MASTL: variants seen among roughly 807,000 people sequenced by gnomAD.
MASTL encodes microtubule associated serine/threonine kinase like, also known as serine/threonine-protein kinase greatwall.
MASTL carries 54 observed loss-of-function variants against 82.5 expected under a neutral mutation model. The ratio of observed to expected loss-of-function variants is 0.65; its 90% CI spans 0.53 to 0.82. The LOEUF is 0.82. Ranked by LOEUF, MASTL falls within the 40% of genes least tolerant of loss-of-function variation. The pLI, the probability that MASTL is intolerant of heterozygous loss-of-function variation, is 0.00. For synonymous variants in MASTL, 323 were observed against 368.9 expected, an observed-to-expected ratio of 0.88 and a Z score of 1.43; for missense variants, 950 against 1,047.8, an observed-to-expected ratio of 0.91 and a Z score of 1.29.
At chr10:27,177,970 A>G (rs574914674) in intron 9 of MASTL, among the ~76,000 whole-genome samples, 1 of 152,348 alleles carries the variant, frequency 6.6e-6, no homozygotes, top group South Asian at 2.1e-4. Flanking sequence ...GCAGCAAGAC[A>G]TCCAGAGAGG....
intron 4 of MASTL, among the ~76,000 whole-genome samples, chr10:27,163,154 T>C (rs1191697881): frequency 6.6e-6 from 1 of 152,060 alleles, no homozygotes; most frequent in African/African-American, 2.4e-5. Context: ...TGACCTCAGG[T>C]GGTTCACCCG....
intron 7 of MASTL, among the ~76,000 whole-genome samples, chr10:27,169,261 G>A (rs185564686): frequency 1.3e-5 from 2 of 152,162 alleles, no homozygotes; most frequent in Admixed American, 1.3e-4. Flanking sequence ...GCATTTTGCA[G>A]TTCAAAACAG....
chr10:27,165,313 G>T (rs1478979292), intron 5 of MASTL, 76 bp from the exon 6 acceptor site: 2 of 1,467,108 alleles, frequency 1.4e-6, no homozygotes, highest in Non-Finnish European at 1.9e-6. Flanking sequence ...CTACTTAGGT[G>T]GTATAACAGT....
rs1474203891 is a variant in MASTL at position 27,187,152 on chromosome 10, T to G, written c.*616T>G. 6.6e-6 allele frequency among the ~76,000 whole-genome samples: 1 copy of G among 152,004 alleles called. No individual in the cohort carries two copies. The highest frequency in any genetic ancestry group is 1.5e-5 in the Non-Finnish European group (1 of 68,014). On this transcript the variant is annotated 3_prime_UTR_variant, in exon 12 of 12. Transcript: ENST00000375940. ...CCATCTCTACTGTAAATACACAAATTAGCCGGGCATGTTGGTGGGCGCCTG... is the reference window on the plus strand; with the variant it reads ...CCATCTCTACTGTAAATACACAAATGAGCCGGGCATGTTGGTGGGCGCCTG...
rs532995596 is a variant in MASTL, at chr10:27,165,305, A to G, written c.661-84A>G. The G allele has an allele frequency of 1.0e-5, 15 of 1,451,302 alleles. No homozygotes were observed. The African/African-American group carries it at 1.4e-4, about 14-fold the overall frequency. The allele number at this position is 1,451,302 out of a possible 1,614,324, so 89.9% of individuals were successfully genotyped here. ...TTGGATTTACTTTAACAGTTTGTCT[A>G]CTTAGGTGGTATAACAGTCTATGTA... On this transcript the variant is annotated intron_variant, in intron 5 of 11. Transcript: ENST00000375940.
intron 9 of MASTL, among the ~76,000 whole-genome samples, chr10:27,174,916 A>C (rs752840191): frequency 6.6e-6 from 1 of 152,020 alleles, no homozygotes; most frequent in Non-Finnish European, 1.5e-5. Flanking sequence ...CCATAACATC[A>C]ACCTCTTCTA....
chr10:27,167,712 A>G, intron 7 of MASTL, among the ~76,000 whole-genome samples: 1 of 152,258 alleles, frequency 6.6e-6, no homozygotes, highest in South Asian at 2.1e-4. Flanking sequence ...CTTCTGGATC[A>G]GAAATAACTT....
At chr10:27,165,908 C>CA (rs2057727424) in intron 6 of MASTL, among the ~76,000 whole-genome samples, 1 of 151,400 alleles carries the variant, frequency 6.6e-6, no homozygotes, top group African/African-American at 2.4e-5. Flanking sequence ...CTCAAAAAAA[C>CA]AAAAAATGCC....
chr10:27,167,824 C>T (rs1348472661), intron 7 of MASTL, among the ~76,000 whole-genome samples: 1 of 152,004 alleles, frequency 6.6e-6, no homozygotes, highest in Non-Finnish European at 1.5e-5. Context: ...ACTTAACTTA[C>T]ATATTGTTTT....
chr10:27,155,415 T>A lies in MASTL; in HGVS notation c.-12T>A. On this transcript the variant is annotated 5_prime_UTR_variant, in exon 1 of 12. It removes an upstream start codon present in the reference 5' UTR. Transcript: ENST00000375940. The stretch of plus-strand genomic sequence containing the variant: ...GGGCAGTGTCTGCGGGGCCGCTGTA[T>A]GCTGTCCAGCGATGGATCCCACCGC... The A allele has an allele frequency of 7.5e-6, 12 of 1,599,698 alleles. No individual in the cohort carries two copies. Among genetic ancestry groups the A allele is most frequent in the Non-Finnish European group, 1.0e-5 (12 of 1,174,588 alleles).
intron 7 of MASTL, 89 bp from the exon 8 acceptor site, chr10:27,169,855 G>C: frequency 7.8e-7 from 1 of 1,289,816 alleles, no homozygotes; most frequent in Non-Finnish European, 1.1e-6. Context: ...AGTTTATGGG[G>C]TCATTTATCC....
chr10:27,175,176 A>ATTATTTATTTAT (rs56359245), intron 9 of MASTL, among the ~76,000 whole-genome samples: 2 of 148,636 alleles, frequency 1.3e-5, no homozygotes, highest in Non-Finnish European at 3.0e-5. Flanking sequence ...TCTTTTATTT[A>ATTATTTATTTAT]TTATTTATTT....
chr10:27,159,222 C>T lies in MASTL; in HGVS notation c.325-397C>T, dbSNP rs2057491660. 6.6e-6 allele frequency among the ~76,000 whole-genome samples: 1 copy of T among 152,114 alleles called. No individual in the cohort carries two copies. Among genetic ancestry groups the T allele is most frequent in the Non-Finnish European group, 1.5e-5 (1 of 68,024 alleles). ...CAAGCAATTCTTGTGCCTCAACCTC[C>T]CAAGTAGCTGAGATTACAGGCCCAG... On this transcript the variant is annotated intron_variant, in intron 2 of 11. Coordinates refer to ENST00000375940, the MANE Select transcript of MASTL (RefSeq NM_001172303.3). The surrounding 1 kb of genome is among the most constrained non-coding windows in gnomAD (Gnocchi z 4.0).
chr10:27,183,501 T>C (rs768848409), intron 11 of MASTL, among the ~76,000 whole-genome samples: 7 of 152,122 alleles, frequency 4.6e-5, no homozygotes, highest in Non-Finnish European at 1.0e-4. Flanking sequence ...GCCAGGATGG[T>C]CTCGATCTCT....
rs570016225 is a variant in MASTL at position 27,159,402 on chromosome 10, C to T, written c.325-217C>T. Among the ~76,000 whole-genome samples, 2 of 152,166 alleles carry T rather than the reference C, an allele frequency of 1.3e-5. No homozygotes were observed. The highest frequency in any genetic ancestry group is 1.9e-4 in the East Asian group (1 of 5,184). ...CCTCCCAAAGTGCTGAGATTATAGG[C>T]GTGAGTCACTGTGCCCAGCCTAAAC... is the stretch of plus-strand genomic sequence containing the variant. On this transcript the variant is annotated intron_variant, in intron 2 of 11. Coordinates refer to ENST00000375940, the MANE Select transcript of MASTL (RefSeq NM_001172303.3). This position sits in a 1 kb window ranked among gnomAD's most constrained non-coding sequence, Gnocchi z 4.0.
chr10:27,180,396 TTTTC>T (rs1554817207), intron 9 of MASTL, among the ~76,000 whole-genome samples: 12 of 151,430 alleles, frequency 7.9e-5, no homozygotes, highest in African/African-American at 1.5e-4. Flanking sequence ...TTTTCTTTTC[TTTTC>T]TTTTTTTTTG....
At chr10:27,186,342 A>C in intron 11 of MASTL, 37 bp from the exon 12 acceptor site, 1 of 1,573,076 alleles carries the variant, frequency 6.4e-7, no homozygotes, top group Non-Finnish European at 8.8e-7. Flanking sequence ...TACTTAGGTA[A>C]TGATATCATA....
At chr10:27,179,405 A>T (rs1384109887) in intron 9 of MASTL, among the ~76,000 whole-genome samples, 1 of 151,940 alleles carries the variant, frequency 6.6e-6, no homozygotes, top group African/African-American at 2.4e-5. Context: ...ATACAGAAAA[A>T]AATTATCTGG....
intron 4 of MASTL, among the ~76,000 whole-genome samples, chr10:27,161,823 A>G (rs1387162866): frequency 6.6e-6 from 1 of 152,238 alleles, no homozygotes; most frequent in Non-Finnish European, 1.5e-5. Context: ...CCAATTAAGC[A>G]TCAGTAAAAT....
Sources: allele counts gnomAD v4.1 joint callset (sites outside exome capture counted in the v4.1 genomes callset), GRCh38; gene constraint gnomAD v4.1.1; non-coding constraint Gnocchi (gnomAD v3.1); transcripts MANE v1.5; gene names NCBI Gene and HGNC (gene_info 2026-07-23, HGNC 2026-07-21).